The following LTBP1 variants were observed in gnomAD, a reference collection of about 807,000 sequenced individuals.
LTBP1 encodes latent-transforming growth factor beta-binding protein 1.
LTBP1 carries 129 observed loss-of-function variants against 207.6 expected under a neutral mutation model. The observed-to-expected ratio is 0.62, with a 90% CI of 0.54 to 0.72. The LOEUF (loss-of-function observed/expected upper bound fraction) is 0.72, where lower values mean the gene tolerates loss of function less well. LTBP1 is among the 30% of genes least tolerant of loss of function. LTBP1 has a pLI of 0.00. For synonymous variants in LTBP1, 963 were observed against 833.7 expected (o/e 1.16, Z -2.67); for missense variants, 2,281 against 2,217.2 (o/e 1.03, Z -0.58).
At position 32,965,811 on chromosome 2, in the gene LTBP1, C is replaced by T. The variant is rs1371377541; in HGVS notation, c.565+16866C>T. On this transcript the variant is annotated intron_variant, in intron 2 of 33. Transcript: ENST00000404816. ...ATTTTTGTACAGGATTTTGTGTGGA[C>T]GTAAGTTTTCAACACTTTTGTGTAA... Among the ~76,000 whole-genome samples, 9 of 152,248 alleles carry T rather than the reference C, an allele frequency of 5.9e-5. No individual in the cohort carries two copies. In the South Asian group the frequency reaches 8.3e-4, roughly 14 times the overall value.
At chr2:33,294,641 C>T (rs1446624054) in intron 20 of LTBP1, among the ~76,000 whole-genome samples, 9 of 135,700 alleles carry the variant, frequency 6.6e-5, no homozygotes, top group East Asian at 4.4e-4. Context: ...TGCAGTAGTA[C>T]GATCTTGGCT....
intron 31 of LTBP1, among the ~76,000 whole-genome samples, chr2:33,386,059 C>G (rs188046206): frequency 1.3e-5 from 2 of 152,136 alleles, no homozygotes; most frequent in Non-Finnish European, 2.9e-5. Context: ...CTCCACTGCC[C>G]GCTTCCCTAG....
At chr2:33,310,506 G>A (rs1434552096) in intron 23 of LTBP1, among the ~76,000 whole-genome samples, 1 of 152,108 alleles carries the variant, frequency 6.6e-6, no homozygotes, top group Admixed American at 6.5e-5. Flanking sequence ...AACTTCAGAG[G>A]TAGCTTTTCT....
chr2:33,160,273 A>T (rs1353985794), intron 5 of LTBP1, among the ~76,000 whole-genome samples: 3 of 152,184 alleles, frequency 2.0e-5, no homozygotes, highest in African/African-American at 7.2e-5. Flanking sequence ...CGAAGAGAAA[A>T]TTTATTAGGG....
At chr2:33,198,298 G>A (rs1216541150) in intron 7 of LTBP1, among the ~76,000 whole-genome samples, 19 of 152,150 alleles carry the variant, frequency 1.2e-4, no homozygotes, top group Admixed American at 1.2e-3. Flanking sequence ...GATTCGGTTT[G>A]CTAGTATTTT....
intron 5 of LTBP1, among the ~76,000 whole-genome samples, chr2:33,151,140 A>T (rs554549807): frequency 6.6e-6 from 1 of 152,184 alleles, no homozygotes; most frequent in African/African-American, 2.4e-5. Flanking sequence ...TTGTTTATGC[A>T]TTCATCTGTC....
intron 5 of LTBP1, among the ~76,000 whole-genome samples, chr2:33,176,228 C>CTGTT (rs113620804): frequency 0.51 from 77,496 of 151,168 alleles, 20,013 homozygotes; most frequent in Non-Finnish European, 0.52. Flanking sequence ...ATTAATTAAT[C>CTGTT]TATTTATTTA....
At chr2:33,275,779 C>T (rs376469677) in intron 17 of LTBP1, 22 bp from the exon 18 acceptor site, 3 of 1,613,514 alleles carry the variant, frequency 1.9e-6, no homozygotes, top group Non-Finnish European at 2.5e-6. Context: ...CAAAACTCAA[C>T]AATGCTATCT....
chr2:33,004,619 C>T (rs1356788426), intron 2 of LTBP1, among the ~76,000 whole-genome samples: 1 of 150,652 alleles, frequency 6.6e-6, no homozygotes, highest in Non-Finnish European at 1.5e-5. Context: ...ACTAAAAATA[C>T]AAAAAATTAG....
chr2:33,140,995 C>G (rs1487517972), intron 5 of LTBP1, among the ~76,000 whole-genome samples: 2 of 152,158 alleles, frequency 1.3e-5, no homozygotes, highest in Non-Finnish European at 2.9e-5. Context: ...AGCTGTAGAC[C>G]ACCTTTAAAA....
chr2:33,077,584 C>A (rs1011631121), intron 3 of LTBP1, among the ~76,000 whole-genome samples: 1 of 152,146 alleles, frequency 6.6e-6, no homozygotes, highest in Non-Finnish European at 1.5e-5. Context: ...TGTCACAAGA[C>A]AGCACCAAGG....
At chr2:33,314,240 G>A (rs951671030) in intron 23 of LTBP1, among the ~76,000 whole-genome samples, 2 of 152,150 alleles carry the variant, frequency 1.3e-5, no homozygotes, top group African/African-American at 2.4e-5. Context: ...ATGCAAATAC[G>A]AATTTTCATG....
At chr2:33,201,126 A>G (rs1005688372) in intron 7 of LTBP1, among the ~76,000 whole-genome samples, 18 of 152,260 alleles carry the variant, frequency 1.2e-4, no homozygotes, top group Middle Eastern at 6.8e-3. Context: ...CCCATTACTG[A>G]GTATATACCC....
intron 26 of LTBP1, among the ~76,000 whole-genome samples, chr2:33,354,712 ACACACACACACACAC>A (rs2094833464): frequency 7.4e-6 from 1 of 134,872 alleles, no homozygotes; most frequent in African/African-American, 2.5e-5. Flanking sequence ...ACACACACAC[ACACACACACACACAC>A]ACCATTGTAT....
intron 2 of LTBP1, among the ~76,000 whole-genome samples, chr2:32,981,776 T>G (rs6759241): frequency 0.097 from 14,731 of 152,126 alleles, 952 homozygotes; most frequent in Non-Finnish European, 0.14. Context: ...TCTCACAAGA[T>G]CTGATGGTTT....
intron 2 of LTBP1, among the ~76,000 whole-genome samples, chr2:32,969,789 A>G (rs1680585974): frequency 6.6e-6 from 1 of 152,228 alleles, no homozygotes; most frequent in Non-Finnish European, 1.5e-5. Context: ...TATATACCCA[A>G]TAATGGGATT....
chr2:33,382,583 A>G (rs1229792884), intron 31 of LTBP1, among the ~76,000 whole-genome samples: 1 of 152,114 alleles, frequency 6.6e-6, no homozygotes, highest in Non-Finnish European at 1.5e-5. Flanking sequence ...ATGTGCCCTG[A>G]TTGACTATCA....
At chr2:33,318,948 T>A (rs1472344257) in intron 24 of LTBP1, among the ~76,000 whole-genome samples, 2 of 152,028 alleles carry the variant, frequency 1.3e-5, no homozygotes, top group African/African-American at 4.8e-5. Context: ...AAATTTTTTT[T>A]AATTAGCTGG....
chr2:33,257,139 C>A (rs940072980), intron 11 of LTBP1, 145 bp from the exon 12 acceptor site: 9 of 631,458 alleles, frequency 1.4e-5, no homozygotes, highest in African/African-American at 1.3e-4. Flanking sequence ...GAGCAATTTG[C>A]TTACATTTTG....
Sources: allele counts gnomAD v4.1 joint callset (sites outside exome capture counted in the v4.1 genomes callset), GRCh38; gene constraint gnomAD v4.1.1; transcripts MANE v1.5; gene names NCBI Gene and HGNC (gene_info 2026-07-23, HGNC 2026-07-21).